SMPD4: variants seen among roughly 807,000 people sequenced by gnomAD.
The protein encoded by SMPD4 is neutral sphingomyelinase 3.
SMPD4 carries 58 observed loss-of-function variants against 97.8 expected under a neutral mutation model. That is an observed-to-expected ratio of 0.59 (90% CI 0.48 to 0.74). SMPD4 has a LOEUF of 0.74. SMPD4 is among the 30% of genes least tolerant of loss of function. The probability of loss-of-function intolerance (pLI) is 0.00; values close to 1 mark genes in which losing one functional copy is unlikely to be tolerated. For missense variants in SMPD4, 853 were observed against 1,080.5 expected (o/e 0.79, Z 2.95); for synonymous variants, 388 against 450.0 (o/e 0.86, Z 1.74).
At chr2:130,163,408 T>C (rs1296087564) in intron 10 of SMPD4, among the ~76,000 whole-genome samples, 1 of 152,172 alleles carries the variant, frequency 6.6e-6, no homozygotes, top group Non-Finnish European at 1.5e-5. Flanking sequence ...TGGCAAAGCA[T>C]GGGGCCATGG....
Position 130,154,262 on chromosome 2 carries a change from C to T in SMPD4, c.1659+15G>A, listed in dbSNP as rs374465157. 15 of 1,575,828 alleles carry T rather than the reference C, an allele frequency of 9.5e-6. No homozygotes were observed. The highest frequency in any genetic ancestry group is 5.4e-5 in the African/African-American group (4 of 74,444). ...CTCCAGGGGCCCTGAGGACAGGCAC[C>T]GCCGAACCACTCACCAGGGTGCGGG... On this transcript the variant is annotated intron_variant, in intron 16 of 19. Transcript: ENST00000680298.
intron 10 of SMPD4, among the ~76,000 whole-genome samples, chr2:130,162,016 G>A (rs932337268): frequency 1.1e-4 from 17 of 152,236 alleles, no homozygotes; most frequent in African/African-American, 4.1e-4. Context: ...ACAGGCTCAG[G>A]CCACCAGGCC....
intron 3 of SMPD4, 41 bp from the exon 4 acceptor site, chr2:130,173,697 C>T (rs745871846): frequency 3.7e-6 from 6 of 1,612,046 alleles, no homozygotes; most frequent in Non-Finnish European, 5.1e-6. Flanking sequence ...GGACCAGCAC[C>T]CACTCCTGCC....
chr2:130,152,833 A>C lies in SMPD4; in HGVS notation c.2206T>G (p.Phe736Val). ...LCSRDDFLGSFCRYHLTEPGL... is the reference protein window; with the variant it reads ...LCSRDDFLGSVCRYHLTEPGL... ...GGTTCTGTGAGGTGGTAGCGACAGAAGCTGCCGAGGAAGTCATCCCGGGAA... is the reference window on the plus strand; with the variant it reads ...GGTTCTGTGAGGTGGTAGCGACAGACGCTGCCGAGGAAGTCATCCCGGGAA... The change falls in exon 20 of 20, where the codon TTC (phenylalanine) becomes GTC (valine). Residue 736 changes from phenylalanine (F) to valine (V), a missense_variant. Physicochemically the swap from Phe to Val is conservative, Grantham distance 50. Transcript: ENST00000680298. 1 of 1,601,688 alleles carries C rather than the reference A, an allele frequency of 6.2e-7. No individual in the cohort carries two copies. The highest frequency in any genetic ancestry group is 8.5e-7 in the Non-Finnish European group (1 of 1,172,442).
chr2:130,181,617 G>C (rs753902641), upstream of SMPD4: 11 of 1,587,804 alleles, frequency 6.9e-6, no homozygotes, highest in Non-Finnish European at 8.6e-6. Context: ...TGCGCGCAGA[G>C]CCACGCCCCG....
intron 9 of SMPD4, among the ~76,000 whole-genome samples, chr2:130,164,827 CA>C (rs1438396967): frequency 2.0e-5 from 3 of 152,114 alleles, no homozygotes; most frequent in African/African-American, 7.2e-5. Context: ...AGGCAACCAA[CA>C]GGCATGGTGG....
At position 130,157,401 on chromosome 2, in the gene SMPD4, G is replaced by A. The variant is rs1161363377; in HGVS notation, c.952-5C>T. 3.1e-6 allele frequency: 5 copies of A among 1,610,888 alleles called. No homozygotes were observed. The highest frequency in any genetic ancestry group is 4.2e-6 in the Non-Finnish European group (5 of 1,179,320). The stretch of plus-strand genomic sequence containing the variant: ...CTCAGTAGGCGTGAACGACTCCTGG[G>A]TGGAGAAGGAGGGGTGAGGGCCTGG... On this transcript the variant is annotated splice_region_variant and splice_polypyrimidine_tract_variant and intron_variant, in intron 11 of 19. Coordinates refer to ENST00000680298, the MANE Select transcript of SMPD4 (RefSeq NM_017951.5).
chr2:130,181,317 A>G, intron 1 of SMPD4: 2 of 1,425,354 alleles, frequency 1.4e-6, no homozygotes, highest in Non-Finnish European at 1.8e-6. Context: ...AGAGTGTACG[A>G]GCCGCGCGGG....
chr2:130,161,344 G>A (rs539715732), intron 10 of SMPD4, 72 bp from the exon 11 acceptor site: 96 of 1,295,020 alleles, frequency 7.4e-5, no homozygotes, highest in Admixed American at 2.5e-4. Context: ...TGGGGAAGGG[G>A]AGAGATAGGA....
chr2:130,170,525 G>A (rs1239206561), intron 8 of SMPD4, among the ~76,000 whole-genome samples: 3 of 150,468 alleles, frequency 2.0e-5, no homozygotes, highest in South Asian at 2.1e-4. Flanking sequence ...CTGAACTTTG[G>A]GAGGCTAAGG....
At chr2:130,154,716 A>G in intron 15 of SMPD4, 2 of 593,922 alleles carry the variant, frequency 3.4e-6, no homozygotes, top group East Asian at 2.8e-5. Flanking sequence ...GGTAAACAAC[A>G]GGAGGATCGA....
At position 130,171,265 on chromosome 2, in the gene SMPD4, C is replaced by T. The variant is rs536910174; in HGVS notation, c.659+1084G>A. Among the ~76,000 whole-genome samples, 7 of 151,768 alleles carry T rather than the reference C, an allele frequency of 4.6e-5. No individual in the cohort carries two copies. In the South Asian group the frequency reaches 1.5e-3, roughly 32 times the overall value. On this transcript the variant is annotated intron_variant, in intron 8 of 19. Transcript: ENST00000680298. ...GATTACAGGTGTGCACCACCATGCC[C>T]AGCTAATTTTTGTATTTTTAGTAGA... is the stretch of plus-strand genomic sequence containing the variant.
chr2:130,173,952 T>C (rs1277423796), intron 3 of SMPD4, among the ~76,000 whole-genome samples: 1 of 142,090 alleles, frequency 7.0e-6, no homozygotes, highest in African/African-American at 2.7e-5. Context: ...GAAGATTAAA[T>C]TAAGAAAAAT....
chr2:130,167,860 A>G (rs928785289), intron 8 of SMPD4, among the ~76,000 whole-genome samples: 1 of 152,226 alleles, frequency 6.6e-6, no homozygotes, highest in Non-Finnish European at 1.5e-5. Context: ...ACCACCATTT[A>G]GTAACCGCCC....
In SMPD4 at chr2:130,167,595, G is replaced by A. The variant is rs1484004059; in HGVS notation, c.660-5C>T. 3 of 1,594,880 alleles carry A rather than the reference G, an allele frequency of 1.9e-6. No individual in the cohort carries two copies. The highest frequency in any genetic ancestry group is 1.7e-5 in the Admixed American group (1 of 58,610). ...GCAAAGGGTATGGCTGGTGTCCTGAGGGAGACACAGAAACAGGCCCGAGTT... is the reference window on the plus strand; with the variant it reads ...GCAAAGGGTATGGCTGGTGTCCTGAAGGAGACACAGAAACAGGCCCGAGTT... On this transcript the variant is annotated splice_polypyrimidine_tract_variant and splice_region_variant and intron_variant, in intron 8 of 19. Coordinates refer to ENST00000680298, the MANE Select transcript of SMPD4 (RefSeq NM_017951.5).
Position 130,153,451 on chromosome 2 carries a change from C to G in SMPD4, c.1894-1G>C. 19 of 1,613,712 alleles carry G rather than the reference C, an allele frequency of 1.2e-5. No individual in the cohort carries two copies. Among genetic ancestry groups the G allele is most frequent in the Non-Finnish European group, 1.5e-5 (18 of 1,179,950 alleles). ...ACTGCCTGAGCTGCGCTTCGCTGAG[C>G]TGCCAGAGAGAAATGCCACTGCCCT... On this transcript the variant is annotated splice_acceptor_variant, in intron 17 of 19. Transcript: ENST00000680298. LOFTEE classifies it high-confidence loss of function.
At position 130,161,196 on chromosome 2, in the gene SMPD4, T is replaced by C. The variant is rs756289000; in HGVS notation, c.941A>G (p.His314Arg). ...SPAQPSLQAL[H>R]AYQESFTPTE... ...CGAATGAGCCAGTACTTGGTAGGCGTGGAGGGCCTGGAGGCTGGGTTGGGC... is the reference window on the plus strand; with the variant it reads ...CGAATGAGCCAGTACTTGGTAGGCGCGGAGGGCCTGGAGGCTGGGTTGGGC... Residue 314 changes from histidine (H) to arginine (R), a missense_variant, in exon 11 of 20, where the codon CAC becomes CGC. Physicochemically the swap from His to Arg is conservative, Grantham distance 29. Coordinates refer to ENST00000680298, the MANE Select transcript of SMPD4 (RefSeq NM_017951.5). 1.9e-6 allele frequency: 3 copies of C among 1,612,908 alleles called. No individual in the cohort carries two copies. In the Admixed American group the frequency reaches 5.0e-5, roughly 27 times the overall value.
At position 130,153,932 on chromosome 2, in the gene SMPD4, G is replaced by C. The variant is rs1686490842; in HGVS notation, c.1663C>G (p.Leu555Val). Residue 555 changes from leucine (L) to valine (V), a missense_variant, in exon 17 of 20, where the codon CTG becomes GTG. Leu to Val is a conservative substitution (Grantham distance 32). Coordinates refer to ENST00000680298, the MANE Select transcript of SMPD4 (RefSeq NM_017951.5). ...MFGPEARTLV[L>V]RLAQLITQAK... Reference sequence around the variant, plus strand: ...TGTGTGATGAGCTGAGCGAGGCGCAGGACCTGCAAGGGAGGCGCGGGCAGG... The same window carrying C: ...TGTGTGATGAGCTGAGCGAGGCGCACGACCTGCAAGGGAGGCGCGGGCAGG... 6.2e-7 allele frequency: 1 copy of C among 1,612,860 alleles called. No homozygotes were observed. Among genetic ancestry groups the C allele is most frequent in the African/African-American group, 1.3e-5 (1 of 74,906 alleles).
At chr2:130,174,284 G>A (rs1558763542) in intron 3 of SMPD4, among the ~76,000 whole-genome samples, 1 of 152,168 alleles carries the variant, frequency 6.6e-6, no homozygotes, top group Non-Finnish European at 1.5e-5. Context: ...GCCTCCCAAA[G>A]TGTTGAGATT....
Sources: allele counts gnomAD v4.1 joint callset (sites outside exome capture counted in the v4.1 genomes callset), GRCh38; gene constraint gnomAD v4.1.1; transcripts MANE v1.5; gene names NCBI Gene and HGNC (gene_info 2026-07-23, HGNC 2026-07-21).